The following SMARCC1 variants were observed in gnomAD, a reference collection of about 807,000 sequenced individuals.
SMARCC1 encodes SWI/SNF related BAF chromatin remodeling complex subunit C1.
In SMARCC1, 43 loss-of-function variants were observed where a neutral mutation model predicts 147.4. The ratio of observed to expected loss-of-function variants is 0.29; its 90% CI spans 0.23 to 0.38. The LOEUF (loss-of-function observed/expected upper bound fraction) is 0.38. Among genes scored for constraint, SMARCC1 ranks in the 10% least tolerant of loss-of-function variants. SMARCC1 has a pLI of 1.00. For missense variants in SMARCC1, 1,119 were observed against 1,381.1 expected (o/e 0.81, Z 3.01); for synonymous variants, 495 against 484.4 (o/e 1.02, Z -0.29).
At chr3:47,663,851 T>A in intron 19 of SMARCC1, 1 of 1,555,856 alleles carries the variant, frequency 6.4e-7, no homozygotes, top group South Asian at 1.1e-5. Context: ...GCTCATGATG[T>A]GCACCTGGAT....
intron 11 of SMARCC1, among the ~76,000 whole-genome samples, chr3:47,695,849 C>T (rs6786851): frequency 1 from 122,012 of 122,172 alleles, 60,926 homozygotes; most frequent in Non-Finnish European, 1. Flanking sequence ...GGCAGATCAC[C>T]TGAGGTCAGG....
chr3:47,710,817 A>G lies in SMARCC1; in HGVS notation c.793-9T>C, dbSNP rs551349820. On this transcript the variant is annotated splice_polypyrimidine_tract_variant and intron_variant, in intron 8 of 27. Transcript: ENST00000254480. ...ATCCATTTCACATGAACCTAAAACCATATCAAAGCATCAATATCTACATAA... is the reference window on the plus strand; with the variant it reads ...ATCCATTTCACATGAACCTAAAACCGTATCAAAGCATCAATATCTACATAA... 1.4e-5 allele frequency: 22 copies of G among 1,596,290 alleles called. No individual in the cohort carries two copies. The highest frequency in any genetic ancestry group is 9.1e-5 in the South Asian group (8 of 87,978).
At chr3:47,755,250 C>T (rs2034681680) in intron 2 of SMARCC1, among the ~76,000 whole-genome samples, 1 of 151,356 alleles carries the variant, frequency 6.6e-6, no homozygotes. Context: ...TGACTGTAAC[C>T]GCAGCATTTT....
At chr3:47,685,720 G>A (rs373588783) in intron 14 of SMARCC1, among the ~76,000 whole-genome samples, 109 of 152,156 alleles carry the variant, frequency 7.2e-4, no homozygotes, top group African/African-American at 2.5e-3. Flanking sequence ...AGCCTGGCAC[G>A]GCGGCGGGAA....
intron 26 of SMARCC1, chr3:47,604,294 A>C (rs2032432415): frequency 2.2e-6 from 1 of 456,574 alleles, no homozygotes; most frequent in African/African-American, 2.0e-5. Context: ...AAAATTAACC[A>C]CTTGGTAATA....
intron 11 of SMARCC1, among the ~76,000 whole-genome samples, chr3:47,694,290 A>G (rs555082450): frequency 6.6e-6 from 1 of 152,364 alleles, no homozygotes; most frequent in Admixed American, 6.5e-5. Context: ...CTAGAGGTAC[A>G]CATTTTAAAA....
intron 2 of SMARCC1, 192 bp from the exon 3 acceptor site, chr3:47,746,185 A>T (rs2034562257): frequency 4.4e-6 from 2 of 457,254 alleles, no homozygotes; most frequent in African/African-American, 2.0e-5. Flanking sequence ...ATGGTGGCTC[A>T]TGCCTGTAAT....
At chr3:47,735,705 G>A (rs1244137815) in intron 5 of SMARCC1, among the ~76,000 whole-genome samples, 1 of 151,912 alleles carries the variant, frequency 6.6e-6, no homozygotes, top group African/African-American at 2.4e-5. Flanking sequence ...AATGAACCGG[G>A]ATTGCACCCC....
At chr3:47,776,746 T>C in intron 1 of SMARCC1, among the ~76,000 whole-genome samples, 1 of 151,966 alleles carries the variant, frequency 6.6e-6, no homozygotes, top group East Asian at 1.9e-4. Flanking sequence ...TGTAAACATA[T>C]ATGTAAATAT....
chr3:47,715,324 G>T (rs1351158588), intron 7 of SMARCC1, among the ~76,000 whole-genome samples: 1 of 152,070 alleles, frequency 6.6e-6, no homozygotes, highest in Non-Finnish European at 1.5e-5. Context: ...AACTTGCAAT[G>T]CTACCCTGGC....
At chr3:47,706,811 T>C (rs1485815786) in intron 9 of SMARCC1, among the ~76,000 whole-genome samples, 2 of 152,176 alleles carry the variant, frequency 1.3e-5, no homozygotes, top group African/African-American at 2.4e-5. Context: ...ACTGCTACTG[T>C]TCACATTCTG....
At chr3:47,682,294 CA>C (rs71070209) in intron 14 of SMARCC1, among the ~76,000 whole-genome samples, 118 of 92,166 alleles carry the variant, frequency 1.3e-3, no homozygotes, top group Admixed American at 1.5e-3. Flanking sequence ...GACTCCGTTT[CA>C]AAAAAAAAAA....
intron 21 of SMARCC1, among the ~76,000 whole-genome samples, chr3:47,641,217 T>C (rs1253502767): frequency 1.3e-5 from 2 of 152,238 alleles, no homozygotes; most frequent in African/African-American, 4.8e-5. Context: ...CTGGCCGTGG[T>C]GGCTCATGCC....
chr3:47,747,470 T>TAAATATAAATATA (rs1334556647), intron 2 of SMARCC1, among the ~76,000 whole-genome samples: 1 of 146,652 alleles, frequency 6.8e-6, no homozygotes, highest in Non-Finnish European at 1.5e-5. Context: ...AATATAAATA[T>TAAATATAAATATA]AAATATAAAT....
At chr3:47,732,606 T>C (rs1281326474) in intron 5 of SMARCC1, among the ~76,000 whole-genome samples, 1 of 152,154 alleles carries the variant, frequency 6.6e-6, no homozygotes, top group African/African-American at 2.4e-5. Flanking sequence ...GGGTTATTAA[T>C]TGGCTTAATT....
At chr3:47,621,641 G>C (rs1439951554) in intron 25 of SMARCC1, among the ~76,000 whole-genome samples, 1 of 152,064 alleles carries the variant, frequency 6.6e-6, no homozygotes, top group Non-Finnish European at 1.5e-5. Context: ...AATAGACACT[G>C]GTGACTCCAA....
intron 11 of SMARCC1, among the ~76,000 whole-genome samples, chr3:47,695,122 AG>A (rs912109311): frequency 6.6e-6 from 1 of 152,210 alleles, no homozygotes; most frequent in Non-Finnish European, 1.5e-5. Flanking sequence ...TTTAGAAGTA[AG>A]GCCTTTGGAA....
In SMARCC1 at chr3:47,645,354, C is replaced by T. The variant is rs2033105812; in HGVS notation, c.2321-6574G>A. Among the ~76,000 whole-genome samples, 4 of 148,800 alleles carry T rather than the reference C, an allele frequency of 2.7e-5. 1 individual carries two copies. In the South Asian group the frequency reaches 8.4e-4, roughly 31 times the overall value. On this transcript the variant is annotated intron_variant, in intron 21 of 27. Coordinates refer to ENST00000254480, the MANE Select transcript of SMARCC1 (RefSeq NM_003074.4). ...CAACCCCACAGTGAGTATGAGCAGA[C>T]ATTAGATGAAGATAAAGGTTCAATC...
intron 2 of SMARCC1, among the ~76,000 whole-genome samples, chr3:47,748,849 G>C (rs2034595927): frequency 6.6e-6 from 1 of 152,130 alleles, no homozygotes; most frequent in African/African-American, 2.4e-5. Context: ...GCCAAGGAAA[G>C]AGGGACAAGG....
Sources: allele counts gnomAD v4.1 joint callset (sites outside exome capture counted in the v4.1 genomes callset), GRCh38; gene constraint gnomAD v4.1.1; transcripts MANE v1.5; gene names NCBI Gene and HGNC (gene_info 2026-07-23, HGNC 2026-07-21).